OGFOD3: variants seen among roughly 807,000 people sequenced by gnomAD.
OGFOD3 encodes 2-oxoglutarate and iron-dependent oxygenase domain-containing protein 3.
In OGFOD3, 35 loss-of-function variants were observed where a neutral mutation model predicts 39.8. That is an observed-to-expected ratio of 0.88 (90% CI 0.67 to 1.17). The LOEUF (loss-of-function observed/expected upper bound fraction) is 1.17. Among genes scored for constraint, OGFOD3 ranks in the 50% most tolerant of loss-of-function variants. The pLI is 0.00. For missense variants in OGFOD3, 438 were observed against 454.5 expected (o/e 0.96, Z 0.33); for synonymous variants, 200 against 192.0 (o/e 1.04, Z -0.34).
intron 8 of OGFOD3, chr17:82,394,443 CGGA>C: frequency 6.2e-7 from 1 of 1,613,794 alleles, no homozygotes; most frequent in East Asian, 2.2e-5. Context: ...GGTGAGTCCC[CGGA>C]GGACACCTGA....
chr17:82,411,441 G>T lies in OGFOD3; in HGVS notation c.380+14C>A, dbSNP rs1475625851. The T allele has an allele frequency of 6.2e-7, 1 of 1,612,702 alleles. No homozygotes were observed. Among genetic ancestry groups the T allele is most frequent in the Non-Finnish European group, 8.5e-7 (1 of 1,178,866 alleles). On this transcript the variant is annotated intron_variant, in intron 3 of 8. Coordinates refer to ENST00000313056, the MANE Select transcript of OGFOD3 (RefSeq NM_024648.3). The stretch of plus-strand genomic sequence containing the variant: ...TTTGTTTGAATCCCACCGTGCTCAG[G>T]GACAGGCGGTTACCTGCGAATCCGC...
chr17:82,399,019 A>G (rs959898847), intron 7 of OGFOD3, among the ~76,000 whole-genome samples: 1 of 104,314 alleles, frequency 9.6e-6, no homozygotes, highest in Non-Finnish European at 2.0e-5. Flanking sequence ...TGGTGGGGGC[A>G]GGGGGGCGGG....
At chr17:82,397,447 T>TG (rs1250600907) in intron 8 of OGFOD3, among the ~76,000 whole-genome samples, 1 of 62,316 alleles carries the variant, frequency 1.6e-5, no homozygotes, top group Non-Finnish European at 3.3e-5. Context: ...GGTGAGGCAG[T>TG]GGGGGGTGGA....
chr17:82,411,631 G>A (rs2052944963), intron 2 of OGFOD3, 101 bp from the exon 3 acceptor site: 1 of 851,844 alleles, frequency 1.2e-6, no homozygotes, highest in Admixed American at 2.1e-5. Context: ...CCGGTCAAAT[G>A]TGAATTTCAG....
chr17:82,418,549 C>T lies in OGFOD3; in HGVS notation c.-64G>A. ...CCAGGCCCGGGGACGAACGCCGTAA[C>T]AGGGAGCGCGAGGCAGGCACGGCGC... is the stretch of plus-strand genomic sequence containing the variant. On this transcript the variant is annotated 5_prime_UTR_variant, in exon 1 of 9. Transcript: ENST00000313056. The T allele has an allele frequency of 1.1e-6, 1 of 948,904 alleles. No individual in the cohort carries two copies. The highest frequency in any genetic ancestry group is 1.4e-6 in the Non-Finnish European group (1 of 718,032). The allele number at this position is 948,904 out of a possible 1,614,324, so 58.8% of individuals were successfully genotyped here.
chr17:82,400,767 A>T (rs1056696301), intron 7 of OGFOD3: 2 of 152,250 alleles, frequency 1.3e-5, no homozygotes, highest in South Asian at 4.1e-4. Flanking sequence ...GCCAGAAGTC[A>T]TAGCAAAATA....
At chr17:82,416,045 A>G (rs1470977300) in intron 1 of OGFOD3, among the ~76,000 whole-genome samples, 3 of 151,844 alleles carry the variant, frequency 2.0e-5, no homozygotes, top group African/African-American at 4.8e-5. Context: ...CCTGACCAAC[A>G]TGGTGAAACC....
chr17:82,399,809 G>A (rs1245256303), intron 7 of OGFOD3, among the ~76,000 whole-genome samples: 1 of 152,208 alleles, frequency 6.6e-6, no homozygotes, highest in Non-Finnish European at 1.5e-5. Flanking sequence ...GGGGGTGAAA[G>A]GTGCAGCTGC....
intron 3 of OGFOD3, among the ~76,000 whole-genome samples, chr17:82,409,897 A>C (rs2052916792): frequency 6.7e-6 from 1 of 149,548 alleles, no homozygotes; most frequent in Admixed American, 6.6e-5. Context: ...TCTGTCAAGA[A>C]AGAAAGAAAA....
At position 82,391,120 on chromosome 17, in the gene OGFOD3, C is replaced by T. The variant is rs115455279; in HGVS notation, c.*1278G>A. ...GGAGGAGGTGCTGAGGGAGGAGGGG[C>T]CCAGGGCTCTCCCCAGGCAGCTGGG... On this transcript the variant is annotated 3_prime_UTR_variant, in exon 9 of 9. Coordinates refer to ENST00000313056, the MANE Select transcript of OGFOD3 (RefSeq NM_024648.3). The surrounding 1 kb of genome is among the most constrained non-coding windows in gnomAD (Gnocchi z 5.1). The T allele has an allele frequency of 0.011, 1,710 of 154,730 alleles. 31 individuals carry two copies. The highest frequency in any genetic ancestry group is 0.037 in the African/African-American group (1,553 of 41,564). The allele number at this position is 154,730 out of a possible 1,614,324, so 9.6% of individuals were successfully genotyped here. A position where few individuals can be genotyped will look rare whatever the true frequency, so the allele number is the denominator to read the frequency against.
chr17:82,415,497 C>G lies in OGFOD3; in HGVS notation c.205G>C (p.Gly69Arg), dbSNP rs770585273. The stretch of plus-strand genomic sequence containing the variant: ...CGGCGGGCCAGGACCTCTGCGACCC[C>G]GTCGTCGGCCCCCAAGCTGCTCCAG... The part of the protein sequence containing the change: ...LLWSSLGADD[G>R]VAEVLARRGE... Residue 69 changes from glycine (G) to arginine (R), a missense_variant, in exon 2 of 9, where the codon GGG (glycine) becomes CGG (arginine). Physicochemically the swap from Gly to Arg is moderately radical, Grantham distance 125 (BLOSUM62 -2). Coordinates refer to ENST00000313056, the MANE Select transcript of OGFOD3 (RefSeq NM_024648.3). The surrounding 1 kb of genome is among the most constrained non-coding windows in gnomAD (Gnocchi z 5.3). 3.1e-6 allele frequency: 5 copies of G among 1,613,706 alleles called. No homozygotes were observed. The highest frequency in any genetic ancestry group is 2.2e-5 in the East Asian group (1 of 44,884).
intron 8 of OGFOD3, chr17:82,396,515 T>C (rs2143194753): frequency 6.6e-6 from 1 of 152,290 alleles, no homozygotes; most frequent in South Asian, 2.1e-4. Flanking sequence ...AAATCACAGG[T>C]AAACACATAG....
intron 8 of OGFOD3, among the ~76,000 whole-genome samples, chr17:82,396,292 C>T (rs1473522460): frequency 9.4e-6 from 1 of 105,892 alleles, no homozygotes; most frequent in Non-Finnish European, 2.5e-5. Context: ...TAGATACACA[C>T]AATTAGACAG....
chr17:82,404,034 G>C lies in OGFOD3; in HGVS notation c.602C>G (p.Ser201Cys). 6.2e-7 allele frequency: 1 copy of C among 1,610,076 alleles called. No homozygotes were observed. The highest frequency in any genetic ancestry group is 8.5e-7 in the Non-Finnish European group (1 of 1,178,424). ...GGTGGGCTTGGTCAGATGCAGCGAG[G>C]ATGCGCTGATGCCAAAAGCCTCAGC... ...TIAEAFGISASSLHLTKPTFF... is the reference protein window; with the variant it reads ...TIAEAFGISACSLHLTKPTFF... Residue 201 changes from serine (S) to cysteine (C), a missense_variant, in exon 7 of 9, where the codon TCC becomes TGC. Ser to Cys is a moderately radical substitution (Grantham distance 112). Transcript: ENST00000313056. The surrounding 1 kb of genome is among the most constrained non-coding windows in gnomAD (Gnocchi z 4.5).
intron 8 of OGFOD3, among the ~76,000 whole-genome samples, chr17:82,397,882 G>T (rs2052700889): frequency 6.6e-6 from 1 of 152,152 alleles, no homozygotes; most frequent in South Asian, 2.1e-4. Flanking sequence ...CTCCAGAGGG[G>T]AGGGAGGGAG....
At chr17:82,399,044 C>T (rs2052723471) in intron 7 of OGFOD3, among the ~76,000 whole-genome samples, 1 of 150,710 alleles carries the variant, frequency 6.6e-6, no homozygotes, top group Admixed American at 6.6e-5. Context: ...GCTATGATGC[C>T]CAGGCTGGTC....
intron 8 of OGFOD3, chr17:82,393,481 A>T (rs950868710): frequency 2.0e-5 from 3 of 152,270 alleles, no homozygotes; most frequent in Non-Finnish European, 4.4e-5. Flanking sequence ...ACGTGGATGC[A>T]ATGGTCACCT....
At chr17:82,417,118 C>T (rs2053069167) in intron 1 of OGFOD3, 1 of 152,168 alleles carries the variant, frequency 6.6e-6, no homozygotes, top group Non-Finnish European at 1.5e-5. Context: ...GAAATAGATA[C>T]ATGTATGTTT....
Position 82,415,380 on chromosome 17 carries a change from G to A in OGFOD3, c.304+18C>T. 3 of 1,604,922 alleles carry A rather than the reference G, an allele frequency of 1.9e-6. No homozygotes were observed. The highest frequency in any genetic ancestry group is 2.6e-6 in the Non-Finnish European group (3 of 1,172,536). On this transcript the variant is annotated intron_variant, in intron 2 of 8. Transcript: ENST00000313056. The surrounding 1 kb of genome is among the most constrained non-coding windows in gnomAD (Gnocchi z 5.3). ...ACCACACTGAGTCTCATTTTAAAGT[G>A]TTGCTTTCCTGAACTACCTTCGAAC...
Sources: gnomAD v4.1 joint callset for allele counts (sites outside exome capture counted in the v4.1 genomes callset) on GRCh38, gnomAD v4.1.1 for gene constraint, Gnocchi (gnomAD v3.1) non-coding constraint, MANE v1.5 for transcripts, NCBI Gene and HGNC (gene_info 2026-07-23, HGNC 2026-07-21) for gene names.